FOXO3: variants seen among roughly 807,000 people sequenced by gnomAD.
FOXO3 encodes forkhead box O3, also known as forkhead box protein O3.
Under a neutral mutation model 41.9 loss-of-function variants are expected in FOXO3, and 4 were observed. That is an observed-to-expected ratio of 0.10 (90% CI 0.05 to 0.22). The LOEUF (loss-of-function observed/expected upper bound fraction) is 0.22. Ranked by LOEUF, FOXO3 falls within the 10% of genes least tolerant of loss-of-function variation. The probability of loss-of-function intolerance (pLI) is 1.00; values close to 1 mark genes in which losing one functional copy is unlikely to be tolerated. For synonymous variants in FOXO3, 318 were observed against 389.3 expected, an observed-to-expected ratio of 0.82 and a Z score of 2.16; for missense variants, 534 against 906.8, an observed-to-expected ratio of 0.59 and a Z score of 5.28.
intron 1 of FOXO3, among the ~76,000 whole-genome samples, chr6:108,626,323 G>C (rs1326413291): frequency 6.6e-6 from 1 of 152,166 alleles, no homozygotes; most frequent in Admixed American, 6.5e-5. Flanking sequence ...GATCTCAGAG[G>C]ACGCAGGTTG....
intron 1 of FOXO3, among the ~76,000 whole-genome samples, chr6:108,623,711 C>G (rs1000122650): frequency 7.9e-5 from 12 of 152,162 alleles, no homozygotes; most frequent in African/African-American, 2.9e-4. Context: ...TAATTCATCT[C>G]AGCTAGTAAA....
chr6:108,603,053 C>G (rs1263042790), intron 1 of FOXO3, among the ~76,000 whole-genome samples: 1 of 151,648 alleles, frequency 6.6e-6, no homozygotes, highest in Non-Finnish European at 1.5e-5. Context: ...GGCAAACTGA[C>G]ATTCATTCAA....
At chr6:108,663,101 G>A (rs1021951945) in intron 1 of FOXO3, among the ~76,000 whole-genome samples, 3 of 152,142 alleles carry the variant, frequency 2.0e-5, no homozygotes, top group African/African-American at 7.2e-5. Flanking sequence ...TGGCCAGCAC[G>A]GTGGCTCATG....
At chr6:108,668,171 G>T in intron 2 of FOXO3, among the ~76,000 whole-genome samples, 1 of 152,332 alleles carries the variant, frequency 6.6e-6, no homozygotes, top group East Asian at 1.9e-4. Flanking sequence ...GCTCACAGAA[G>T]AAGGTCATGT....
intron 1 of FOXO3, among the ~76,000 whole-genome samples, chr6:108,649,983 A>G (rs547763779): frequency 1.3e-5 from 2 of 152,206 alleles, no homozygotes; most frequent in South Asian, 4.2e-4. Context: ...ATCCTTAGGG[A>G]AAGACCTAGT....
chr6:108,627,925 TAAATGAGTCAGTATATGC>T (rs1777859004), intron 1 of FOXO3, among the ~76,000 whole-genome samples: 1 of 152,174 alleles, frequency 6.6e-6, no homozygotes. Context: ...TTGTGAGAAT[TAAATGAGTCAGTATATGC>T]ATATTTAAGG....
intron 1 of FOXO3, among the ~76,000 whole-genome samples, chr6:108,621,661 A>G (rs1281183716): frequency 6.6e-6 from 1 of 152,106 alleles, no homozygotes. Context: ...GTCCAGCTCA[A>G]AATGCCAGTA....
intron 1 of FOXO3, among the ~76,000 whole-genome samples, chr6:108,573,086 A>G (rs541398247): frequency 4.6e-5 from 7 of 152,150 alleles, no homozygotes; most frequent in African/African-American, 1.2e-4. Flanking sequence ...GGAGATCGAG[A>G]CCATCCTGGC....
chr6:108,651,451 G>T (rs1156354201), intron 1 of FOXO3, among the ~76,000 whole-genome samples: 1 of 152,138 alleles, frequency 6.6e-6, no homozygotes, highest in African/African-American at 2.4e-5. Flanking sequence ...GTGTGACTGT[G>T]CCCACACACT....
chr6:108,660,832 A>G (rs769468900), intron 1 of FOXO3, among the ~76,000 whole-genome samples: 1 of 152,112 alleles, frequency 6.6e-6, no homozygotes, highest in Non-Finnish European at 1.5e-5. Flanking sequence ...CGATGTAGAG[A>G]CAGGGTTACT....
intron 1 of FOXO3, among the ~76,000 whole-genome samples, chr6:108,649,097 A>G (rs959910497): frequency 6.7e-6 from 1 of 150,210 alleles, no homozygotes; most frequent in Admixed American, 6.7e-5. Context: ...AGGCAAAGGG[A>G]TCTGTTATTC....
intron 1 of FOXO3, among the ~76,000 whole-genome samples, chr6:108,611,350 T>C (rs1777358935): frequency 6.6e-6 from 1 of 152,230 alleles, no homozygotes; most frequent in Non-Finnish European, 1.5e-5. Flanking sequence ...CTTTTGGGGA[T>C]GTATTTATTC....
rs377353541 is a variant in FOXO3, at chr6:108,663,607, C to G, written c.774C>G (p.Asn258Lys). ...GGGCTGTCTCCATGGACAATAGCAA[C>G]AAGTATACCAAGAGCCGTGGCCGCG... ...RRRAVSMDNS[N>K]KYTKSRGRAA... Residue 258 changes from asparagine (N) to lysine (K), a missense_variant, in exon 2 of 3, where the codon AAC (asparagine) becomes AAG (lysine). Physicochemically the swap from Asn to Lys is moderately conservative, Grantham distance 94 (BLOSUM62 0). This residue lies in a region of FOXO3 where 77 missense variants were observed against 193.2 expected (regional missense o/e 0.40). Coordinates refer to ENST00000406360, the MANE Select transcript of FOXO3 (RefSeq NM_001455.4). The G allele has an allele frequency of 4.3e-6, 7 of 1,613,622 alleles. No homozygotes were observed. The South Asian group carries it at 4.4e-5, about 10-fold the overall frequency.
At chr6:108,629,569 T>C (rs1777903438) in intron 1 of FOXO3, among the ~76,000 whole-genome samples, 1 of 152,194 alleles carries the variant, frequency 6.6e-6, no homozygotes, top group African/African-American at 2.4e-5. Context: ...AATATTCTCT[T>C]TTCAGAAAGG....
At chr6:108,595,594 G>A (rs1037151053) in intron 1 of FOXO3, among the ~76,000 whole-genome samples, 1 of 152,146 alleles carries the variant, frequency 6.6e-6, no homozygotes, top group Non-Finnish European at 1.5e-5. Flanking sequence ...GTTTCTGGAA[G>A]GAAGGCGATT....
rs1770868198 is a variant in FOXO3, at chr6:108,681,859, TTAG to T, written c.*2070_*2072del. ...TAATGCTAGCCACTTCCTGGATTCT[TTAG>T]TAATGTGCTGTATGCAAGAACTTTC... is the stretch of plus-strand genomic sequence containing the variant. On this transcript the variant is annotated 3_prime_UTR_variant, in exon 3 of 3. Transcript: ENST00000406360. 6.6e-6 allele frequency: 1 copy of T among 152,142 alleles called. No individual in the cohort carries two copies. The highest frequency in any genetic ancestry group is 2.4e-5 in the African/African-American group (1 of 41,396). 9.4% of individuals were successfully genotyped at this position (152,142 alleles called of 1,614,324 possible). A position where few individuals can be genotyped will look rare whatever the true frequency, so the allele number is the denominator to read the frequency against.
At chr6:108,629,375 CT>C (rs1430195162) in intron 1 of FOXO3, among the ~76,000 whole-genome samples, 1 of 152,082 alleles carries the variant, frequency 6.6e-6, no homozygotes, top group African/African-American at 2.4e-5. Flanking sequence ...CTCTGGGGCT[CT>C]TAAGATCTGA....
At chr6:108,591,233 A>G (rs1776726095) in intron 1 of FOXO3, among the ~76,000 whole-genome samples, 1 of 152,180 alleles carries the variant, frequency 6.6e-6, no homozygotes, top group Non-Finnish European at 1.5e-5. Context: ...ATTGAGAATA[A>G]CCAGGCCTGT....
chr6:108,564,980 A>G (rs1343059428), intron 1 of FOXO3, among the ~76,000 whole-genome samples: 1 of 151,948 alleles, frequency 6.6e-6, no homozygotes, highest in Admixed American at 6.6e-5. Flanking sequence ...TTTGTTTTCC[A>G]TTTTCTTCTT....
Sources: allele counts gnomAD v4.1 joint callset (sites outside exome capture counted in the v4.1 genomes callset), GRCh38; gene constraint gnomAD v4.1.1; regional missense constraint gnomAD v4.1.1; transcripts MANE v1.5; gene names NCBI Gene and HGNC (gene_info 2026-07-23, HGNC 2026-07-21).